IGSF11: variants seen among roughly 807,000 people sequenced by gnomAD.
IGSF11 encodes the protein immunoglobulin superfamily member 11, also known as CXADR like 1.
In IGSF11, 22 loss-of-function variants were observed where a neutral mutation model predicts 41.0. That is an observed-to-expected ratio of 0.54 (90% CI 0.38 to 0.77). The LOEUF (loss-of-function observed/expected upper bound fraction) is 0.77. Among genes scored for constraint, IGSF11 ranks in the 30% least tolerant of loss-of-function variants. IGSF11 has a pLI of 0.00. For missense variants in IGSF11, 444 were observed against 530.8 expected (o/e 0.84, Z 1.61); for synonymous variants, 219 against 201.3 (o/e 1.09, Z -0.74).
intron 1 of IGSF11, among the ~76,000 whole-genome samples, chr3:118,982,306 T>C (rs189245438): frequency 1.3e-5 from 2 of 152,180 alleles, no homozygotes. Context: ...AAATACAACA[T>C]CCACTGTGCT....
At chr3:118,947,358 T>C (rs1054623240) in intron 1 of IGSF11, 1 of 152,188 alleles carries the variant, frequency 6.6e-6, no homozygotes. Flanking sequence ...AGGTTAGATA[T>C]CAACAAAAGA....
At chr3:119,083,533 CACAA>C (rs869235068) in intron 1 of IGSF11, among the ~76,000 whole-genome samples, 16 of 63,300 alleles carry the variant, frequency 2.5e-4, no homozygotes, top group East Asian at 1.8e-3. Context: ...CACACACACA[CACAA>C]ACACACACAC....
intron 1 of IGSF11, among the ~76,000 whole-genome samples, chr3:119,092,326 G>T (rs147629018): frequency 1.3e-5 from 2 of 152,190 alleles, no homozygotes; most frequent in Non-Finnish European, 2.9e-5. Context: ...GTGGTATACA[G>T]TGTTTCTTTC....
chr3:119,027,028 CTG>C (rs1206471041), intron 1 of IGSF11, among the ~76,000 whole-genome samples: 1 of 152,094 alleles, frequency 6.6e-6, no homozygotes, highest in African/African-American at 2.4e-5. Flanking sequence ...ACTTAAAAGA[CTG>C]TTCTGATCAT....
intron 4 of IGSF11, among the ~76,000 whole-genome samples, chr3:118,918,717 C>A (rs1241129147): frequency 7.0e-5 from 8 of 114,982 alleles, no homozygotes; most frequent in African/African-American, 2.8e-4. Context: ...CCATCCCCAT[C>A]AAGCTACCAA....
At chr3:118,933,997 C>T (rs1159350515) in intron 1 of IGSF11, among the ~76,000 whole-genome samples, 4 of 152,118 alleles carry the variant, frequency 2.6e-5, no homozygotes, top group Non-Finnish European at 5.9e-5. Flanking sequence ...CAACCCCTTT[C>T]TCTGCACTGG....
At chr3:119,125,972 T>C (rs546741329) in intron 1 of IGSF11, among the ~76,000 whole-genome samples, 4 of 152,352 alleles carry the variant, frequency 2.6e-5, no homozygotes, top group Non-Finnish European at 5.9e-5. Flanking sequence ...CGTGGATTCT[T>C]ACAGCTTTTC....
At chr3:118,913,525 A>G (rs1940620212) in intron 4 of IGSF11, among the ~76,000 whole-genome samples, 1 of 152,218 alleles carries the variant, frequency 6.6e-6, no homozygotes. Flanking sequence ...TTGAGAAACA[A>G]TAACTGATAA....
upstream of IGSF11, among the ~76,000 whole-genome samples, chr3:119,108,756 A>C (rs1040587615): frequency 1.4e-5 from 2 of 143,944 alleles, no homozygotes; most frequent in African/African-American, 2.5e-5. Flanking sequence ...ATTTTGAGAT[A>C]CGTCCCATCA....
intron 1 of IGSF11, among the ~76,000 whole-genome samples, chr3:118,977,477 A>G (rs1227617748): frequency 6.6e-6 from 1 of 152,108 alleles, no homozygotes; most frequent in Non-Finnish European, 1.5e-5. Context: ...ATGTCTACTC[A>G]CCTCCTCCAC....
chr3:118,928,320 C>T (rs1489877826), intron 3 of IGSF11, among the ~76,000 whole-genome samples, 189 bp downstream of exon 3: 5 of 151,788 alleles, frequency 3.3e-5, no homozygotes, highest in South Asian at 2.1e-4. Flanking sequence ...TAGAGACCGC[C>T]GGAAATGAAG....
intron 1 of IGSF11, among the ~76,000 whole-genome samples, chr3:119,004,993 G>C (rs1404205427): frequency 6.6e-6 from 1 of 150,706 alleles, no homozygotes; most frequent in Non-Finnish European, 1.5e-5. Context: ...TTGGTGCAGA[G>C]CTGAGTTCAA....
At chr3:119,028,739 T>C (rs1337159799) in intron 1 of IGSF11, among the ~76,000 whole-genome samples, 2 of 152,066 alleles carry the variant, frequency 1.3e-5, no homozygotes, top group Non-Finnish European at 2.9e-5. Flanking sequence ...CTATCACCTG[T>C]TCCACAAAAT....
chr3:119,117,376 G>A lies in IGSF11; in HGVS notation c.-13-12171C>T, dbSNP rs117973376. Among the ~76,000 whole-genome samples, 255 of 152,244 alleles carry A rather than the reference G, an allele frequency of 1.7e-3. 5 individuals are homozygous for A. The East Asian group carries it at 0.02, about 12-fold the overall frequency. On this transcript the variant is annotated intron_variant, in intron 1 of 7. Transcript: ENST00000425327. ...CACAATAATGAAGGAAGGCAAGGAG[G>A]AGCAACTCACGTCTTACATGGATGG...
At chr3:119,066,938 CTA>C (rs1257386560) in intron 1 of IGSF11, among the ~76,000 whole-genome samples, 1 of 152,150 alleles carries the variant, frequency 6.6e-6, no homozygotes, top group Non-Finnish European at 1.5e-5. Flanking sequence ...ACCATTTTAT[CTA>C]TGAGTCCACA....
chr3:119,124,190 A>C (rs1166195172), intron 1 of IGSF11, among the ~76,000 whole-genome samples: 1 of 151,950 alleles, frequency 6.6e-6, no homozygotes, highest in Non-Finnish European at 1.5e-5. Flanking sequence ...TTTAACAAAG[A>C]GATTGAAATA....
intron 1 of IGSF11, among the ~76,000 whole-genome samples, chr3:119,005,522 AT>A (rs1425520640): frequency 1.4e-5 from 2 of 140,906 alleles, no homozygotes; most frequent in African/African-American, 5.8e-5. Flanking sequence ...TTAGCTGGTG[AT>A]TTTGCTCGTT....
intron 1 of IGSF11, among the ~76,000 whole-genome samples, chr3:118,978,151 T>C (rs1226730277): frequency 2.0e-5 from 3 of 152,108 alleles, no homozygotes; most frequent in Non-Finnish European, 4.4e-5. Context: ...GAGCACACCA[T>C]CCAGGAGCTT....
At chr3:119,046,709 G>T (rs1314249693) in intron 1 of IGSF11, among the ~76,000 whole-genome samples, 1 of 152,078 alleles carries the variant, frequency 6.6e-6, no homozygotes, top group Non-Finnish European at 1.5e-5. Flanking sequence ...CACCAAAGTT[G>T]AAATGAAGGA....
Sources: gnomAD v4.1 joint callset for allele counts (sites outside exome capture counted in the v4.1 genomes callset) on GRCh38, gnomAD v4.1.1 for gene constraint, MANE v1.5 for transcripts, NCBI Gene and HGNC (gene_info 2026-07-23, HGNC 2026-07-21) for gene names.